The following COMMD1 variants were observed in gnomAD, a reference collection of about 807,000 sequenced individuals.
COMMD1 encodes the protein copper metabolism domain containing 1.
In COMMD1, 10 loss-of-function variants were observed where a neutral mutation model predicts 17.2. That is an observed-to-expected ratio of 0.58 (90% CI 0.36 to 0.99). The LOEUF (loss-of-function observed/expected upper bound fraction) is 0.99, where lower values mean the gene tolerates loss of function less well. Among genes scored for constraint, COMMD1 ranks in the 50% least tolerant of loss-of-function variants. The probability of loss-of-function intolerance (pLI) is 0.01; values close to 1 mark genes in which losing one functional copy is unlikely to be tolerated. For missense variants in COMMD1, 270 were observed against 231.8 expected, an observed-to-expected ratio of 1.17 and a Z score of -1.07; for synonymous variants, 97 against 91.6, an observed-to-expected ratio of 1.06 and a Z score of -0.34.
intron 1 of COMMD1, chr2:61,915,601 C>T (rs921073018): frequency 4.9e-6 from 2 of 404,502 alleles, no homozygotes; most frequent in African/African-American, 4.2e-5. Context: ...ATGATCCTCC[C>T]ACCTCAGCCT....
At chr2:62,006,778 C>T (rs1215720898) in intron 2 of COMMD1, among the ~76,000 whole-genome samples, 1 of 152,124 alleles carries the variant, frequency 6.6e-6, no homozygotes, top group African/African-American at 2.4e-5. Context: ...CACCTAACAC[C>T]TTTGTTGTGT....
At chr2:61,942,381 G>A (rs1251237812) in intron 1 of COMMD1, among the ~76,000 whole-genome samples, 11 of 151,254 alleles carry the variant, frequency 7.3e-5, no homozygotes, top group African/African-American at 2.7e-4. Context: ...TGGGATTATA[G>A]GCATGAGCCA....
chr2:61,926,840 A>G (rs1670340403), intron 1 of COMMD1, among the ~76,000 whole-genome samples: 1 of 152,072 alleles, frequency 6.6e-6, no homozygotes, highest in African/African-American at 2.4e-5. Flanking sequence ...CAAAGTTCAC[A>G]AAACCTCCTT....
At chr2:62,097,944 C>T (rs555264326) in intron 2 of COMMD1, among the ~76,000 whole-genome samples, 15 of 152,250 alleles carry the variant, frequency 9.9e-5, no homozygotes, top group Non-Finnish European at 1.9e-4. Flanking sequence ...TGGTGCCTTC[C>T]TCTGGGGCCC....
intron 2 of COMMD1, chr2:62,118,998 A>T (rs1672674864): frequency 6.6e-6 from 1 of 151,934 alleles, no homozygotes; most frequent in African/African-American, 2.4e-5. Flanking sequence ...CAAAATTCAT[A>T]TGTTGAAATT....
intron 1 of COMMD1, among the ~76,000 whole-genome samples, chr2:61,889,821 A>G (rs1669380299): frequency 6.6e-6 from 1 of 152,142 alleles, no homozygotes; most frequent in South Asian, 2.1e-4. Context: ...CTCTTAGGGA[A>G]CGTAAACATT....
At chr2:61,915,620 G>A in intron 1 of COMMD1, 1 of 430,766 alleles carries the variant, frequency 2.3e-6, no homozygotes, top group Admixed American at 2.5e-5. Context: ...CTTTTGAGTA[G>A]CTGAAACTGT....
At chr2:61,888,597 T>C (rs1361386329), upstream of COMMD1, 10 of 1,450,168 alleles carry the variant, frequency 6.9e-6, no homozygotes, top group East Asian at 4.8e-5. Context: ...AAGCCCTCAC[T>C]GCCTTCACGA....
rs149755696 is a variant in COMMD1 at position 62,021,287 on chromosome 2, C to T, written c.462+20305C>T. Among the ~76,000 whole-genome samples, 368 of 152,216 alleles carry T rather than the reference C, an allele frequency of 2.4e-3. 1 individual carries two copies. The highest frequency in any genetic ancestry group is 8.4e-3 in the African/African-American group (348 of 41,540). ...CAGCAAGTTCTGGCTCCTTTTTGTT[C>T]AACTGCTCTTGAGATATTTATTAGG... is the stretch of plus-strand genomic sequence containing the variant. On this transcript the variant is annotated intron_variant, in intron 2 of 2. Coordinates refer to ENST00000311832, the MANE Select transcript of COMMD1 (RefSeq NM_152516.4).
chr2:61,909,811 C>T (rs1057389694), intron 1 of COMMD1, among the ~76,000 whole-genome samples: 9 of 152,140 alleles, frequency 5.9e-5, no homozygotes, highest in African/African-American at 7.2e-5. Context: ...GGGGATACAG[C>T]GGACACACGT....
intron 1 of COMMD1, among the ~76,000 whole-genome samples, chr2:61,976,885 G>C (rs1296209812): frequency 6.6e-6 from 1 of 151,558 alleles, no homozygotes; most frequent in Non-Finnish European, 1.5e-5. Flanking sequence ...CTGGGGTACA[G>C]TGGTGTGGTC....
intron 2 of COMMD1, among the ~76,000 whole-genome samples, chr2:62,104,106 G>A (rs756761179): frequency 2.2e-4 from 33 of 152,158 alleles, no homozygotes; most frequent in Non-Finnish European, 4.0e-4. Context: ...CTCCCAAAGT[G>A]CTAAGATTAC....
intron 2 of COMMD1, among the ~76,000 whole-genome samples, chr2:62,018,066 G>A (rs1264274976): frequency 6.6e-6 from 1 of 151,820 alleles, no homozygotes; most frequent in Non-Finnish European, 1.5e-5. Flanking sequence ...AAAAAAGTCT[G>A]ACTTTATGTG....
At chr2:61,987,549 C>T (rs1218745299) in intron 1 of COMMD1, among the ~76,000 whole-genome samples, 2 of 152,206 alleles carry the variant, frequency 1.3e-5, no homozygotes, top group Non-Finnish European at 2.9e-5. Flanking sequence ...GTCACTTTCT[C>T]TGTGCTGGAC....
At chr2:61,941,823 A>G (rs1336112339) in intron 1 of COMMD1, among the ~76,000 whole-genome samples, 1 of 152,134 alleles carries the variant, frequency 6.6e-6, no homozygotes, top group African/African-American at 2.4e-5. Context: ...CTTACTATAA[A>G]AGTTTCTCCA....
In COMMD1 at chr2:61,964,650, T is replaced by C. The variant is rs150160813; in HGVS notation, c.181-36051T>C. Among the ~76,000 whole-genome samples, 4 of 151,786 alleles carry C rather than the reference T, an allele frequency of 2.6e-5. No homozygotes were observed. The East Asian group carries it at 7.8e-4, about 30-fold the overall frequency. ...GAGTTCAAGACCAGCCTGACCAACA[T>C]GGTGAAACCCCGTCTCTACTAAAAA... On this transcript the variant is annotated intron_variant, in intron 1 of 2. Transcript: ENST00000311832.
intron 1 of COMMD1, among the ~76,000 whole-genome samples, chr2:61,927,209 A>T (rs1670349441): frequency 6.6e-6 from 1 of 152,236 alleles, no homozygotes; most frequent in Non-Finnish European, 1.5e-5. Flanking sequence ...AGGTTACTTC[A>T]GGCTACCTTT....
chr2:62,021,290 C>G (rs1346111997), intron 2 of COMMD1, among the ~76,000 whole-genome samples: 1 of 152,154 alleles, frequency 6.6e-6, no homozygotes, highest in Non-Finnish European at 1.5e-5. Context: ...TTTTGTTCAA[C>G]TGCTCTTGAG....
intron 1 of COMMD1, among the ~76,000 whole-genome samples, chr2:61,955,926 A>G (rs968648934): frequency 6.6e-6 from 1 of 152,164 alleles, no homozygotes; most frequent in African/African-American, 2.4e-5. Flanking sequence ...ACCTCAGGTG[A>G]TCTGCCCGCC....
Sources: allele counts gnomAD v4.1 joint callset (sites outside exome capture counted in the v4.1 genomes callset), GRCh38; gene constraint gnomAD v4.1.1; transcripts MANE v1.5; gene names NCBI Gene and HGNC (gene_info 2026-07-23, HGNC 2026-07-21).